Variants in SV2C observed in about 807,000 individuals in gnomAD.
The protein encoded by SV2C is solute carrier family 22 member B3.
Under a neutral mutation model 79.7 loss-of-function variants are expected in SV2C, and 49 were observed. The ratio of observed to expected loss-of-function variants is 0.61; its 90% CI spans 0.49 to 0.78. The LOEUF (loss-of-function observed/expected upper bound fraction) is 0.78, where lower values mean the gene tolerates loss of function less well. Ranked by LOEUF, SV2C falls within the 30% of genes least tolerant of loss-of-function variation. SV2C has a pLI of 0.00. For synonymous variants in SV2C, 334 were observed against 333.2 expected, an observed-to-expected ratio of 1.00 and a Z score of -0.03; for missense variants, 833 against 912.9, an observed-to-expected ratio of 0.91 and a Z score of 1.13.
chr5:76,104,146 G>C (rs1322010537), intron 1 of SV2C, among the ~76,000 whole-genome samples: 1 of 152,214 alleles, frequency 6.6e-6, no homozygotes, highest in African/African-American at 2.4e-5. Flanking sequence ...TATGATAGCT[G>C]TAGGTAGCAC....
chr5:76,151,368 A>G (rs1435933936), intron 2 of SV2C, among the ~76,000 whole-genome samples: 1 of 152,186 alleles, frequency 6.6e-6, no homozygotes, highest in Admixed American at 6.5e-5. Flanking sequence ...AAATGAATTC[A>G]TTTTGGTGCC....
the SV2C span, among the ~76,000 whole-genome samples, chr5:75,886,333 C>T: frequency 6.6e-6 from 1 of 152,106 alleles, no homozygotes; most frequent in South Asian, 2.1e-4. Context: ...TTTACGTTCC[C>T]CTTCCCCATC....
the SV2C span, among the ~76,000 whole-genome samples, chr5:75,929,319 A>G: frequency 6.6e-6 from 1 of 151,516 alleles, no homozygotes; most frequent in Non-Finnish European, 1.5e-5. Context: ...CACAGTCAGG[A>G]CCCTTGAGCT....
intron 2 of SV2C, among the ~76,000 whole-genome samples, chr5:76,172,590 TTTGTGGAATAGAAAGGCGGGAAAG>T (rs1480922246): frequency 1.8e-5 from 1 of 55,580 alleles, no homozygotes; most frequent in Non-Finnish European, 3.1e-5. Flanking sequence ...CAATGGCGGC[TTTGTGGAATAGAAAGGCGGGAAAG>T]GTGGGGAAAA....
At chr5:75,893,225 T>C in the SV2C span, among the ~76,000 whole-genome samples, 6 of 152,262 alleles carry the variant, frequency 3.9e-5, no homozygotes, top group Non-Finnish European at 7.4e-5. Context: ...ATGTCCTCTT[T>C]TGAGAAGTGT....
chr5:76,154,897 GA>G (rs1209148478), intron 2 of SV2C, among the ~76,000 whole-genome samples: 1 of 152,068 alleles, frequency 6.6e-6, no homozygotes, highest in East Asian at 1.9e-4. Context: ...TATTTAAAGG[GA>G]AAAAGAGCAG....
the SV2C span, among the ~76,000 whole-genome samples, chr5:76,012,182 C>A: frequency 6.6e-6 from 1 of 152,122 alleles, no homozygotes; most frequent in African/African-American, 2.4e-5. Flanking sequence ...AGGAATCACC[C>A]CACTGTCTTC....
intron 12 of SV2C, among the ~76,000 whole-genome samples, chr5:76,352,178 A>C (rs1420403078): frequency 6.6e-6 from 1 of 152,184 alleles, no homozygotes; most frequent in Non-Finnish European, 1.5e-5. Context: ...GCGCCATTGC[A>C]CTCCAGCCTG....
the SV2C span, among the ~76,000 whole-genome samples, chr5:75,998,886 A>G: frequency 1.3e-5 from 2 of 151,962 alleles, no homozygotes; most frequent in African/African-American, 4.8e-5. Context: ...ATACATCTCT[A>G]TATTTGTGTA....
the SV2C span, among the ~76,000 whole-genome samples, chr5:75,981,011 A>G: frequency 2.6e-5 from 4 of 152,354 alleles, no homozygotes; most frequent in African/African-American, 9.6e-5. Flanking sequence ...CAACTTCAGC[A>G]AAGTCTCAGG....
chr5:76,042,955 C>T, the SV2C span, among the ~76,000 whole-genome samples: 1 of 152,220 alleles, frequency 6.6e-6, no homozygotes, highest in South Asian at 2.1e-4. Context: ...CCTAGATGGA[C>T]TTTGATTGGT....
intron 12 of SV2C, among the ~76,000 whole-genome samples, chr5:76,309,546 GCCGAGAT>G (rs1350305998): frequency 7.2e-6 from 1 of 139,518 alleles, no homozygotes; most frequent in African/African-American, 2.8e-5. Context: ...CTTGCAGTGA[GCCGAGAT>G]CGCACCACTG....
At chr5:76,048,965 G>GAGAGAGAAAGAAAGAAAGAAAGAA in the SV2C span, among the ~76,000 whole-genome samples, 1 of 58,164 alleles carries the variant, frequency 1.7e-5, no homozygotes, top group Non-Finnish European at 3.1e-5. Flanking sequence ...GAAAGAAAAA[G>GAGAGAGAAAGAAAGAAAGAAAGAA]AGAAAGAAAG....
chr5:76,174,242 T>C (rs11541287), intron 2 of SV2C: 1 of 1,562,482 alleles, frequency 6.4e-7, no homozygotes, highest in Admixed American at 1.7e-5. Context: ...ACCGGGTCTC[T>C]GCAGCCAGCG....
At chr5:76,277,048 G>A (rs2112482662) in intron 4 of SV2C, among the ~76,000 whole-genome samples, 1 of 152,294 alleles carries the variant, frequency 6.6e-6, no homozygotes, top group Admixed American at 6.5e-5. Flanking sequence ...ATTGTGATGA[G>A]ATACCACTAG....
At chr5:76,210,001 G>A (rs1251962947) in intron 4 of SV2C, 114 bp downstream of exon 4, 55 of 1,267,160 alleles carry the variant, frequency 4.3e-5, no homozygotes, top group Non-Finnish European at 5.6e-5. Context: ...TCATCATCAT[G>A]TTTCTCCCTT....
At chr5:75,983,104 C>G in the SV2C span, among the ~76,000 whole-genome samples, 207 of 152,128 alleles carry the variant, frequency 1.4e-3, 4 homozygotes, top group East Asian at 0.022. Flanking sequence ...CTGTAACAAG[C>G]AAGTTTACCT....
At chr5:76,036,650 C>T in the SV2C span, among the ~76,000 whole-genome samples, 6 of 152,254 alleles carry the variant, frequency 3.9e-5, no homozygotes, top group South Asian at 2.1e-4. Context: ...GAGGGTAACC[C>T]AACCTTTGTC....
chr5:76,040,940 A>G, the SV2C span, among the ~76,000 whole-genome samples: 1 of 152,204 alleles, frequency 6.6e-6, no homozygotes, highest in African/African-American at 2.4e-5. Context: ...GCAACTTTTT[A>G]CTGGTCTCAA....
Sources: allele counts gnomAD v4.1 joint callset (sites outside exome capture counted in the v4.1 genomes callset), GRCh38; gene constraint gnomAD v4.1.1; transcripts MANE v1.5; gene names NCBI Gene and HGNC (gene_info 2026-07-23, HGNC 2026-07-21).